PLEKHH2: variants seen among roughly 807,000 people sequenced by gnomAD.
The protein encoded by PLEKHH2 is pleckstrin homology, MyTH4 and FERM domain containing H2, also known as pleckstrin homology domain-containing family H member 2.
PLEKHH2 carries 129 observed loss-of-function variants against 187.9 expected under a neutral mutation model. That is an observed-to-expected ratio of 0.69 (90% CI 0.59 to 0.79). The LOEUF (loss-of-function observed/expected upper bound fraction) is 0.79. PLEKHH2 is among the 30% of genes least tolerant of loss of function. The pLI, the probability that PLEKHH2 is intolerant of heterozygous loss-of-function variation, is 0.00. For missense variants in PLEKHH2, 2,076 were observed against 1,751.2 expected, an observed-to-expected ratio of 1.19 and a Z score of -3.31; for synonymous variants, 686 against 605.6, an observed-to-expected ratio of 1.13 and a Z score of -1.95.
At chr2:43,648,862 G>A (rs971704135) in intron 2 of PLEKHH2, among the ~76,000 whole-genome samples, 3 of 152,158 alleles carry the variant, frequency 2.0e-5, no homozygotes, top group Non-Finnish European at 4.4e-5. Flanking sequence ...TTACAGGCGT[G>A]AGCCACCGTG....
chr2:43,750,330 G>A (rs1671957086), intron 24 of PLEKHH2, among the ~76,000 whole-genome samples: 1 of 152,128 alleles, frequency 6.6e-6, no homozygotes, highest in South Asian at 2.1e-4. Context: ...AAATTAGCTG[G>A]GCATGGTGGC....
chr2:43,709,980 G>C lies in PLEKHH2; in HGVS notation c.1967-10G>C. 1 of 1,595,906 alleles carries C rather than the reference G, an allele frequency of 6.3e-7. No homozygotes were observed. Among genetic ancestry groups the C allele is most frequent in the East Asian group, 2.2e-5 (1 of 44,766 alleles). ...AAATACTGACTTGATTTCTTTCTTT[G>C]TTCTCTTAGGTGTGTCTCTCTCCTC... is the stretch of plus-strand genomic sequence containing the variant. On this transcript the variant is annotated splice_polypyrimidine_tract_variant and intron_variant, in intron 11 of 29. Coordinates refer to ENST00000282406, the MANE Select transcript of PLEKHH2 (RefSeq NM_172069.4).
At chr2:43,754,203 C>A (rs541586184) in intron 25 of PLEKHH2, among the ~76,000 whole-genome samples, 51,843 of 142,478 alleles carry the variant, frequency 0.36, 9,780 homozygotes, top group African/African-American at 0.56. Context: ...CACACACACA[C>A]ACAAAATTAA....
intron 4 of PLEKHH2, 129 bp from the exon 5 acceptor site, chr2:43,694,302 G>A (rs1320750006): frequency 8.2e-6 from 9 of 1,091,192 alleles, no homozygotes; most frequent in South Asian, 5.2e-5. Context: ...AACCTATTTG[G>A]TAATTTGAAA....
At position 43,745,981 on chromosome 2, in the gene PLEKHH2, C is replaced by T. The variant is rs545102271; in HGVS notation, c.3653+18C>T. On this transcript the variant is annotated intron_variant, in intron 24 of 29. Coordinates refer to ENST00000282406, the MANE Select transcript of PLEKHH2 (RefSeq NM_172069.4). Reference sequence around the variant, plus strand: ...AAAAACAGGTGTGTAATACTGCATCCAGATGCCAAAGTATGAGTATACAAT... The same window carrying T: ...AAAAACAGGTGTGTAATACTGCATCTAGATGCCAAAGTATGAGTATACAAT... 9 of 1,518,712 alleles carry T rather than the reference C, an allele frequency of 5.9e-6. No homozygotes were observed. Among genetic ancestry groups the T allele is most frequent in the African/African-American group, 2.8e-5 (2 of 72,556 alleles). 94.1% of individuals were successfully genotyped at this position (1,518,712 alleles called of 1,614,324 possible). A position where few individuals can be genotyped will look rare whatever the true frequency, so the allele number is the denominator to read the frequency against.
Position 43,699,998 on chromosome 2 carries a change from A to C in PLEKHH2, c.1040A>C (p.Glu347Ala), listed in dbSNP as rs1669276793. The part of the protein sequence containing the change: ...EEETFGIKRP[E>A]HKKLYSWQQE... Reference sequence around the variant, plus strand: ...GAGACTTTTGGCATAAAGAGACCAGAACACAAGAAGCTATATTCTTGGCAG... The same window carrying C: ...GAGACTTTTGGCATAAAGAGACCAGCACACAAGAAGCTATATTCTTGGCAG... The change falls in exon 8 of 30, where the codon GAA becomes GCA. Residue 347 changes from glutamate to alanine, a missense_variant. Physicochemically the swap from Glu to Ala is moderately radical, Grantham distance 107. Transcript: ENST00000282406. 1 of 1,614,112 alleles carries C rather than the reference A, an allele frequency of 6.2e-7. No individual in the cohort carries two copies. The highest frequency in any genetic ancestry group is 1.3e-5 in the African/African-American group (1 of 74,930).
chr2:43,765,602 C>G lies in PLEKHH2; in HGVS notation c.*4C>G. The G allele has an allele frequency of 6.2e-7, 1 of 1,611,760 alleles. No individual in the cohort carries two copies. Among genetic ancestry groups the G allele is most frequent in the Non-Finnish European group, 8.5e-7 (1 of 1,179,032 alleles). ...CAAAGGCCCCACCTTACTCTGAAAG[C>G]TGGGGAGCCTGAACATTCACTCCTT... On this transcript the variant is annotated 3_prime_UTR_variant, in exon 30 of 30. Coordinates refer to ENST00000282406, the MANE Select transcript of PLEKHH2 (RefSeq NM_172069.4).
intron 4 of PLEKHH2, among the ~76,000 whole-genome samples, chr2:43,693,761 T>C (rs900825594): frequency 4.1e-5 from 6 of 147,248 alleles, no homozygotes; most frequent in African/African-American, 1.6e-4. Context: ...GCACTGGGGA[T>C]TGGGGTTATG....
intron 11 of PLEKHH2, among the ~76,000 whole-genome samples, chr2:43,709,548 A>C (rs775530732): frequency 6.6e-6 from 1 of 152,204 alleles, no homozygotes; most frequent in Non-Finnish European, 1.5e-5. Flanking sequence ...TTTACATGAC[A>C]GTCCCTACCT....
At chr2:43,756,377 C>T (rs1391144827) in intron 25 of PLEKHH2, among the ~76,000 whole-genome samples, 16 of 152,074 alleles carry the variant, frequency 1.1e-4, no homozygotes, top group Admixed American at 9.8e-4. Flanking sequence ...ACTGCAACCT[C>T]CGCCTCCTGG....
intron 17 of PLEKHH2, among the ~76,000 whole-genome samples, chr2:43,727,057 C>T (rs1179491848): frequency 6.7e-6 from 1 of 150,074 alleles, no homozygotes; most frequent in Non-Finnish European, 1.5e-5. Context: ...TAAAAGAATT[C>T]AATGAAATTA....
chr2:43,704,360 A>T (rs570548802), intron 9 of PLEKHH2, among the ~76,000 whole-genome samples: 1 of 152,136 alleles, frequency 6.6e-6, no homozygotes, highest in African/African-American at 2.4e-5. Context: ...TGAACTGTAC[A>T]ATTAAAAATG....
At chr2:43,729,378 T>C (rs1553347548) in intron 17 of PLEKHH2, among the ~76,000 whole-genome samples, 2 of 152,228 alleles carry the variant, frequency 1.3e-5, no homozygotes, top group Non-Finnish European at 2.9e-5. Context: ...TTAACATGTG[T>C]TACTCGTCTT....
chr2:43,668,192 C>T (rs1003347898), intron 2 of PLEKHH2, among the ~76,000 whole-genome samples: 2 of 152,092 alleles, frequency 1.3e-5, no homozygotes, highest in Non-Finnish European at 2.9e-5. Flanking sequence ...ACCACCACTC[C>T]TGGCTAATTT....
chr2:43,676,051 C>T (rs756801177), intron 2 of PLEKHH2: 8 of 1,613,926 alleles, frequency 5.0e-6, no homozygotes, highest in Non-Finnish European at 4.2e-6. Context: ...GTGTTTGGTC[C>T]AGGTCTCTTT....
intron 4 of PLEKHH2, among the ~76,000 whole-genome samples, chr2:43,694,097 C>G (rs967884045): frequency 2.6e-5 from 4 of 152,006 alleles, no homozygotes; most frequent in Admixed American, 6.6e-5. Context: ...GAGTCTTATT[C>G]TCTTCTCCCC....
intron 6 of PLEKHH2, 43 bp downstream of exon 6, chr2:43,695,267 C>A: frequency 1.8e-6 from 2 of 1,111,744 alleles, no homozygotes; most frequent in Non-Finnish European, 2.5e-6. Context: ...ATTTATTTGA[C>A]TATATAGGCT....
At chr2:43,642,572 G>A (rs973280129) in intron 1 of PLEKHH2, among the ~76,000 whole-genome samples, 1 of 152,162 alleles carries the variant, frequency 6.6e-6, no homozygotes, top group African/African-American at 2.4e-5. Flanking sequence ...TCATTTATCA[G>A]TAAGTATGAT....
intron 24 of PLEKHH2, among the ~76,000 whole-genome samples, chr2:43,750,147 T>C (rs1400178938): frequency 6.6e-6 from 1 of 152,166 alleles, no homozygotes; most frequent in Non-Finnish European, 1.5e-5. Context: ...CTCCTAGCTA[T>C]GTTCACACCA....
Sources: allele counts gnomAD v4.1 joint callset (sites outside exome capture counted in the v4.1 genomes callset), GRCh38; gene constraint gnomAD v4.1.1; transcripts MANE v1.5; gene names NCBI Gene and HGNC (gene_info 2026-07-23, HGNC 2026-07-21).